Variants in HDAC4 observed in about 807,000 individuals in gnomAD.
HDAC4 encodes histone deacetylase A.
A neutral mutation model predicts 135.1 loss-of-function variants in HDAC4; 16 were observed. The observed-to-expected ratio is 0.12, with a 90% CI of 0.08 to 0.18. HDAC4 has a LOEUF of 0.18. HDAC4 is among the 10% of genes least tolerant of loss of function. The pLI, the probability that HDAC4 is intolerant of heterozygous loss-of-function variation, is 1.00. For synonymous variants in HDAC4, 685 were observed against 653.4 expected, an observed-to-expected ratio of 1.05 and a Z score of -0.74; for missense variants, 1,143 against 1,511.8, an observed-to-expected ratio of 0.76 and a Z score of 4.05.
intron 3 of HDAC4, among the ~76,000 whole-genome samples, chr2:239,206,719 A>G (rs2046071651): frequency 6.6e-6 from 1 of 152,162 alleles, no homozygotes; most frequent in Admixed American, 6.5e-5. Flanking sequence ...GGACTTCATG[A>G]CAGGTGCCAA....
At chr2:239,215,411 C>T (rs1027167183) in intron 3 of HDAC4, among the ~76,000 whole-genome samples, 1 of 152,148 alleles carries the variant, frequency 6.6e-6, no homozygotes, top group Non-Finnish European at 1.5e-5. Flanking sequence ...AGGGTCGACG[C>T]CCCAGAAACC....
At chr2:239,304,804 G>T (rs1033885033) in intron 2 of HDAC4, among the ~76,000 whole-genome samples, 2 of 152,154 alleles carry the variant, frequency 1.3e-5, no homozygotes, top group Non-Finnish European at 2.9e-5. Context: ...GACTGTCCAA[G>T]CAGAAACAAG....
chr2:239,053,466 T>G lies in HDAC4; in HGVS notation c.3224A>C (p.Glu1075Ala). The G allele has an allele frequency of 1.9e-6, 3 of 1,612,980 alleles. No individual in the cohort carries two copies. The highest frequency in any genetic ancestry group is 2.5e-6 in the Non-Finnish European group (3 of 1,179,572). ...CGGCAGGGCAGGTGCTCACCTCTTT[T>G]CGGCGGGCTTCACGCCCACGGACAG... is the stretch of plus-strand genomic sequence containing the variant. ...ASLSVGVKPA[E>A]KRPDEEPMEE... The change falls in exon 26 of 27, where the codon GAA (glutamate) becomes GCA (alanine). Residue 1075 changes from glutamate (E) to alanine (A), a missense_variant. Physicochemically the swap from Glu to Ala is moderately radical, Grantham distance 107. This residue lies in a region of HDAC4 where 131 missense variants were observed against 130.6 expected (regional missense o/e 1.00). Coordinates refer to ENST00000543185, the MANE Select transcript of HDAC4 (RefSeq NM_001378414.1).
chr2:239,311,130 G>C (rs2052855100), intron 2 of HDAC4, among the ~76,000 whole-genome samples: 1 of 152,198 alleles, frequency 6.6e-6, no homozygotes, highest in African/African-American at 2.4e-5. Context: ...GTGGGGTCAA[G>C]CAGCATCAGC....
At chr2:239,199,521 T>C (rs2045621920) in intron 3 of HDAC4, among the ~76,000 whole-genome samples, 1 of 148,892 alleles carries the variant, frequency 6.7e-6, no homozygotes, top group Non-Finnish European at 1.5e-5. Context: ...GGTTTGCCCA[T>C]GTCTGAAAAT....
chr2:239,148,859 T>C (rs10192336), intron 7 of HDAC4, among the ~76,000 whole-genome samples: 1 of 152,132 alleles, frequency 6.6e-6, no homozygotes. Context: ...GAGGGTCTCC[T>C]AGGTCTGCTG....
intron 2 of HDAC4, among the ~76,000 whole-genome samples, chr2:239,281,555 GT>G: frequency 7.3e-6 from 1 of 137,022 alleles, no homozygotes; most frequent in South Asian, 2.4e-4. Context: ...TACACACAAT[GT>G]ACACACCACT....
chr2:239,389,947 G>C (rs1696089373), intron 1 of HDAC4, among the ~76,000 whole-genome samples: 1 of 152,336 alleles, frequency 6.6e-6, no homozygotes, highest in African/African-American at 2.4e-5. Context: ...GTGAATCCAA[G>C]ACTTGCTAAG....
chr2:239,124,851 T>A (rs1350919444), intron 12 of HDAC4, among the ~76,000 whole-genome samples: 6 of 135,064 alleles, frequency 4.4e-5, no homozygotes, highest in Admixed American at 3.7e-4. Context: ...CCGCGTTATA[T>A]GACATTCTGG....
In HDAC4 at chr2:239,303,238, C is replaced by G. The variant is rs1280320249; in HGVS notation, c.22+49440G>C. Reference sequence around the variant, plus strand: ...GGGACAGGAGGGCACAGGGACAGGCCTGGAGGACAAGGTCCCTGGAATCCC... The same window carrying G: ...GGGACAGGAGGGCACAGGGACAGGCGTGGAGGACAAGGTCCCTGGAATCCC... On this transcript the variant is annotated intron_variant, in intron 2 of 26. Transcript: ENST00000543185. The surrounding 1 kb of genome is among the most constrained non-coding windows in gnomAD (Gnocchi z 5.1). Among the ~76,000 whole-genome samples, 2 of 152,254 alleles carry G rather than the reference C, an allele frequency of 1.3e-5. No homozygotes were observed. Among genetic ancestry groups the G allele is most frequent in the Non-Finnish European group, 2.9e-5 (2 of 68,044 alleles).
chr2:239,290,684 G>A (rs985221681), intron 2 of HDAC4, among the ~76,000 whole-genome samples: 5 of 151,930 alleles, frequency 3.3e-5, no homozygotes, highest in East Asian at 1.9e-4. Context: ...CAGTTCGCAC[G>A]CGCATGCACA....
Position 239,303,891 on chromosome 2 carries a change from G to A in HDAC4, c.22+48787C>T, listed in dbSNP as rs1386209795. Among the ~76,000 whole-genome samples the A allele has an allele frequency of 1.3e-5, 2 of 152,124 alleles. No homozygotes were observed. Among genetic ancestry groups the A allele is most frequent in the African/African-American group, 4.8e-5 (2 of 41,426 alleles). On this transcript the variant is annotated intron_variant, in intron 2 of 26. Coordinates refer to ENST00000543185, the MANE Select transcript of HDAC4 (RefSeq NM_001378414.1). This position sits in a 1 kb window ranked among gnomAD's most constrained non-coding sequence, Gnocchi z 5.1. ...CCAGACCCTACAGGCCTGCCCCGTG[G>A]CCCTGGGAATGCTTGGCACCAAGGT...
intron 2 of HDAC4, among the ~76,000 whole-genome samples, chr2:239,290,011 A>C (rs1396284010): frequency 1.3e-5 from 2 of 152,210 alleles, no homozygotes; most frequent in East Asian, 3.8e-4. Context: ...AAGTTCTATC[A>C]ACTACAGAAA....
chr2:239,056,260 G>A (rs542585560), intron 24 of HDAC4, among the ~76,000 whole-genome samples: 2 of 152,346 alleles, frequency 1.3e-5, no homozygotes, highest in African/African-American at 4.8e-5. Flanking sequence ...GCACGAGCCT[G>A]GGTCAGGAGG....
intron 4 of HDAC4, among the ~76,000 whole-genome samples, chr2:239,181,710 C>A (rs954492493): frequency 1.3e-5 from 2 of 152,350 alleles, no homozygotes; most frequent in African/African-American, 4.8e-5. Flanking sequence ...GCTCCACCCA[C>A]CTGCTTGCTG....
intron 24 of HDAC4, among the ~76,000 whole-genome samples, chr2:239,061,236 A>G (rs1234693913): frequency 2.7e-5 from 4 of 149,962 alleles, no homozygotes; most frequent in Admixed American, 2.6e-4. Flanking sequence ...TGTGCACGTG[A>G]GACTGTGTGG....
intron 1 of HDAC4, among the ~76,000 whole-genome samples, chr2:239,386,186 G>A (rs1695796831): frequency 1.3e-5 from 2 of 152,108 alleles, no homozygotes; most frequent in Non-Finnish European, 1.5e-5. Context: ...GTGTCTCGGA[G>A]GTTCAGAGCC....
chr2:239,189,940 G>T lies in HDAC4; in HGVS notation c.232C>A (p.Leu78Ile). The T allele has an allele frequency of 6.2e-7, 1 of 1,610,236 alleles. No homozygotes were observed. ...CTCTGGATCTGCTGCTTCTGCTTGA[G>T]CGCCAGGAGCTCCTGCTGCAGCTGC... The part of the protein sequence containing the change: ...EQQLQQELLA[L>I]KQKQQIQRQI... Residue 78 changes from leucine (L) to isoleucine (I), a missense_variant, in exon 4 of 27, where the codon CTC (leucine) becomes ATC (isoleucine). Leu to Ile is a conservative substitution (Grantham distance 5, BLOSUM62 2). Transcript: ENST00000543185.
At chr2:239,358,839 CAT>C (rs910484132) in intron 1 of HDAC4, among the ~76,000 whole-genome samples, 3 of 152,236 alleles carry the variant, frequency 2.0e-5, no homozygotes, top group Non-Finnish European at 4.4e-5. Context: ...AACCTCTACA[CAT>C]GAGAAACACA....
Sources: allele counts gnomAD v4.1 joint callset (sites outside exome capture counted in the v4.1 genomes callset), GRCh38; gene constraint gnomAD v4.1.1; regional missense constraint gnomAD v4.1.1; non-coding constraint Gnocchi (gnomAD v3.1); transcripts MANE v1.5; gene names NCBI Gene and HGNC (gene_info 2026-07-23, HGNC 2026-07-21).